The following MAST4 variants were observed in gnomAD, a reference collection of about 807,000 sequenced individuals.
MAST4 encodes microtubule associated serine/threonine kinase family member 4.
In MAST4, 89 loss-of-function variants were observed where a neutral mutation model predicts 162.7. The observed-to-expected ratio is 0.55, with a 90% CI of 0.46 to 0.65. MAST4 has a LOEUF of 0.65. Ranked by LOEUF, MAST4 falls within the 30% of genes least tolerant of loss-of-function variation. The probability of loss-of-function intolerance (pLI) is 0.00; values close to 1 mark genes in which losing one functional copy is unlikely to be tolerated. For synonymous variants in MAST4, 1,479 were observed against 1,361.1 expected (o/e 1.09, Z -1.91); for missense variants, 3,153 against 3,374.0 (o/e 0.93, Z 1.62).
chr5:66,688,632 A>G (rs957896708), intron 1 of MAST4, among the ~76,000 whole-genome samples: 1 of 152,230 alleles, frequency 6.6e-6, no homozygotes, highest in Non-Finnish European at 1.5e-5. Flanking sequence ...ATTGGTGAGT[A>G]GAGTGCTATC....
chr5:66,956,033 T>C (rs148686482), intron 4 of MAST4, among the ~76,000 whole-genome samples: 182 of 151,990 alleles, frequency 1.2e-3, no homozygotes, highest in African/African-American at 3.8e-3. Context: ...ATGTTGTCCA[T>C]GCTGGTCTCG....
chr5:67,109,254 T>A (rs573129291), intron 10 of MAST4, among the ~76,000 whole-genome samples: 1 of 152,254 alleles, frequency 6.6e-6, no homozygotes, highest in East Asian at 1.9e-4. Flanking sequence ...AGGTTGAGCA[T>A]TCAAATTCCA....
rs557531141 is a variant in MAST4 at position 66,816,399 on chromosome 5, ATCCCCTCACCTTTCC to A, written c.642+27608_642+27622del. Reference sequence around the variant, plus strand: ...CTGTTTCTAATCAATCACCTCTCTCATCCCCTCACCTTTCCTCAAGTTTTATAATCATTTATGATA... The same window carrying A: ...CTGTTTCTAATCAATCACCTCTCTCATCAAGTTTTATAATCATTTATGATA... On this transcript the variant is annotated intron_variant, in intron 3 of 28. Transcript: ENST00000403625. Among the ~76,000 whole-genome samples the A allele has an allele frequency of 1.0e-3, 157 of 152,244 alleles. 1 individual carries two copies. Among genetic ancestry groups the A allele is most frequent in the Non-Finnish European group, 2.0e-3 (137 of 68,014 alleles).
chr5:66,910,892 C>T lies in MAST4; in HGVS notation c.674+10910C>T, dbSNP rs567071776. On this transcript the variant is annotated intron_variant, in intron 4 of 28. Coordinates refer to ENST00000403625, the MANE Select transcript of MAST4 (RefSeq NM_001164664.2). ...CCTCCCAAGTAGCTGGGACTACAGG[C>T]GCATGCCACCATGCTCAGCTAATGT... Among the ~76,000 whole-genome samples, 23 of 152,012 alleles carry T rather than the reference C, an allele frequency of 1.5e-4. No homozygotes were observed. The South Asian group carries it at 4.2e-3, about 27-fold the overall frequency.
At position 66,856,285 on chromosome 5, in the gene MAST4, T is replaced by C. The variant is rs186994276; in HGVS notation, c.643-43666T>C. ...TGCAGGGAGAACCTGCAGGGTGCGA[T>C]GCAGGCCTCCCTGACTCCCGATTGT... On this transcript the variant is annotated intron_variant, in intron 3 of 28. Transcript: ENST00000403625. Among the ~76,000 whole-genome samples, 602 of 152,294 alleles carry C rather than the reference T, an allele frequency of 4.0e-3. 3 individuals are homozygous for C. The highest frequency in any genetic ancestry group is 6.9e-3 in the Non-Finnish European group (471 of 68,016).
intron 4 of MAST4, among the ~76,000 whole-genome samples, chr5:67,034,815 A>G (rs1755804254): frequency 6.6e-6 from 1 of 152,182 alleles, no homozygotes; most frequent in Admixed American, 6.5e-5. Context: ...TTATTATTTT[A>G]GAGTAGCTGG....
chr5:67,125,585 T>C (rs1408584607), intron 14 of MAST4, among the ~76,000 whole-genome samples: 2 of 152,202 alleles, frequency 1.3e-5, no homozygotes, highest in Non-Finnish European at 2.9e-5. Flanking sequence ...CGTGAACTCA[T>C]TCCTTTATAT....
chr5:67,154,449 G>C (rs987183822), intron 26 of MAST4, among the ~76,000 whole-genome samples: 1 of 152,180 alleles, frequency 6.6e-6, no homozygotes, highest in African/African-American at 2.4e-5. Context: ...TCACTTTCGT[G>C]ATTTATTTTG....
Position 67,131,932 on chromosome 5 carries a change from A to C in MAST4, c.2074A>C (p.Arg692=). 1 of 1,612,940 alleles carries C rather than the reference A, an allele frequency of 6.2e-7. No individual in the cohort carries two copies. The highest frequency in any genetic ancestry group is 1.1e-5 in the South Asian group (1 of 90,998). ...EYLHNYGIVH[R]DLKPDNLLVT... Reference sequence around the variant, plus strand: ...TTTACATAATTATGGAATTGTACACAGGGATTTGAAACCAGACAAGTATGT... The same window carrying C: ...TTTACATAATTATGGAATTGTACACCGGGATTTGAAACCAGACAAGTATGT... Residue 692 remains arginine, a synonymous_variant, in exon 16 of 29, where the codon AGG becomes CGG. Transcript: ENST00000403625.
At chr5:66,935,109 T>G (rs1332366023) in intron 4 of MAST4, among the ~76,000 whole-genome samples, 1 of 152,170 alleles carries the variant, frequency 6.6e-6, no homozygotes, top group East Asian at 1.9e-4. Context: ...CAAAAATGCT[T>G]TTCACAGTTC....
chr5:66,940,091 A>G (rs117460420), intron 4 of MAST4, among the ~76,000 whole-genome samples: 14 of 152,220 alleles, frequency 9.2e-5, no homozygotes, highest in East Asian at 1.9e-4. Context: ...ATGTGTATAT[A>G]TATGTATATA....
intron 1 of MAST4, among the ~76,000 whole-genome samples, chr5:66,713,149 T>C (rs954975670): frequency 1.3e-5 from 2 of 152,246 alleles, no homozygotes; most frequent in African/African-American, 4.8e-5. Context: ...TTTTTTGTTT[T>C]TGTTGTTTAT....
intron 4 of MAST4, among the ~76,000 whole-genome samples, chr5:66,925,432 A>G (rs923074159): frequency 3.9e-5 from 6 of 152,226 alleles, no homozygotes; most frequent in Admixed American, 3.9e-4. Flanking sequence ...ACTCTAAACA[A>G]CACATTTAAT....
Position 67,164,906 on chromosome 5 carries a change from C to A in MAST4, c.5727C>A (p.Ser1909Arg). Reference protein sequence around the residue: ...DRKGPHPTARSPGTVMESNPQ... With the variant: ...DRKGPHPTARRPGTVMESNPQ... ...AAGGTCCCCATCCTACTGCCAGGAG[C>A]CCTGGAACAGTCATGGAAAGCAATC... Residue 1909 changes from serine (S) to arginine (R), a missense_variant, in exon 29 of 29, where the codon AGC becomes AGA. Physicochemically the swap from Ser to Arg is moderately radical, Grantham distance 110. Coordinates refer to ENST00000403625, the MANE Select transcript of MAST4 (RefSeq NM_001164664.2). The surrounding 1 kb of genome is among the most constrained non-coding windows in gnomAD (Gnocchi z 5.3). The A allele has an allele frequency of 6.2e-7, 1 of 1,613,996 alleles. No homozygotes were observed. Among genetic ancestry groups the A allele is most frequent in the Admixed American group, 1.7e-5 (1 of 60,022 alleles).
intron 5 of MAST4, among the ~76,000 whole-genome samples, chr5:67,078,772 A>T (rs866131350): frequency 1.6e-5 from 2 of 128,198 alleles, no homozygotes; most frequent in Admixed American, 8.8e-5. Flanking sequence ...CTAAATATAT[A>T]TATTTATTTA....
intron 5 of MAST4, among the ~76,000 whole-genome samples, chr5:67,081,055 TTATATAATATAATATATAATTGTA>T (rs1454867455): frequency 7.9e-6 from 1 of 125,806 alleles, no homozygotes; most frequent in African/African-American, 3.5e-5. Context: ...ATTGTATATA[TTATATAATATAATATATAATTGTA>T]TATATTATAT....
intron 14 of MAST4, among the ~76,000 whole-genome samples, chr5:67,121,957 T>G (rs552012708): frequency 6.6e-6 from 1 of 151,996 alleles, no homozygotes; most frequent in African/African-American, 2.4e-5. Flanking sequence ...AGCCTTTAAC[T>G]CCTACACCAG....
chr5:67,112,390 A>C (rs1035640630), intron 11 of MAST4, among the ~76,000 whole-genome samples: 1 of 151,952 alleles, frequency 6.6e-6, no homozygotes, highest in African/African-American at 2.4e-5. Flanking sequence ...CCATTCCAAC[A>C]CTGTCTACGC....
intron 4 of MAST4, among the ~76,000 whole-genome samples, chr5:66,918,670 AAG>A (rs1490096884): frequency 1.5e-5 from 1 of 65,978 alleles, no homozygotes; most frequent in Non-Finnish European, 4.8e-5. Flanking sequence ...CTTACAAATA[AAG>A]ACAAACAAAT....
Sources: gnomAD v4.1 joint callset for allele counts (sites outside exome capture counted in the v4.1 genomes callset) on GRCh38, gnomAD v4.1.1 for gene constraint, Gnocchi (gnomAD v3.1) non-coding constraint, MANE v1.5 for transcripts, NCBI Gene and HGNC (gene_info 2026-07-23, HGNC 2026-07-21) for gene names.